Variants in COL25A1 observed in about 807,000 individuals in gnomAD.
COL25A1 encodes the protein collagen type XXV alpha 1 chain, also known as collagen alpha-1(XXV) chain.
COL25A1 carries 103 observed loss-of-function variants against 128.4 expected under a neutral mutation model. That is an observed-to-expected ratio of 0.80 (90% CI 0.68 to 0.94). The LOEUF (loss-of-function observed/expected upper bound fraction) is 0.94. Among genes scored for constraint, COL25A1 ranks in the 40% least tolerant of loss-of-function variants. The probability of loss-of-function intolerance (pLI) is 0.00; values close to 1 mark genes in which losing one functional copy is unlikely to be tolerated. For missense variants in COL25A1, 745 were observed against 840.0 expected (o/e 0.89, Z 1.40); for synonymous variants, 279 against 277.2 (o/e 1.01, Z -0.06).
intron 15 of COL25A1, 58 bp from the exon 16 acceptor site, chr4:108,896,769 AT>A (rs1250249899): frequency 4.2e-6 from 6 of 1,422,694 alleles, no homozygotes; most frequent in Non-Finnish European, 6.0e-6. Flanking sequence ...AGCAGATAAT[AT>A]TTTTCATTAT....
chr4:109,028,851 A>G (rs1472436925), intron 5 of COL25A1, among the ~76,000 whole-genome samples: 1 of 152,232 alleles, frequency 6.6e-6, no homozygotes, highest in Non-Finnish European at 1.5e-5. Flanking sequence ...AAACAGAGAA[A>G]GTGTTTCAAG....
intron 3 of COL25A1, among the ~76,000 whole-genome samples, chr4:109,209,449 G>T (rs1777315751): frequency 6.6e-6 from 1 of 151,934 alleles, no homozygotes. Context: ...AAAAATACAG[G>T]CAACATTAAA....
At chr4:108,983,162 G>A (rs1026981740) in intron 6 of COL25A1, among the ~76,000 whole-genome samples, 9 of 151,516 alleles carry the variant, frequency 5.9e-5, no homozygotes, top group Non-Finnish European at 8.9e-5. Context: ...TTAAGAAATT[G>A]CTAAAACTTC....
chr4:109,166,081 G>T (rs1261302152), intron 3 of COL25A1, among the ~76,000 whole-genome samples: 1 of 152,056 alleles, frequency 6.6e-6, no homozygotes, highest in Admixed American at 6.6e-5. Context: ...CTACTTAAAA[G>T]TCATACACAT....
intron 3 of COL25A1, among the ~76,000 whole-genome samples, chr4:109,294,661 A>G (rs1277887460): frequency 6.6e-6 from 1 of 152,104 alleles, no homozygotes; most frequent in Non-Finnish European, 1.5e-5. Flanking sequence ...GCCCGGATTG[A>G]CTCATACATT....
intron 19 of COL25A1, among the ~76,000 whole-genome samples, chr4:108,877,361 G>A (rs1165864049): frequency 1.3e-5 from 2 of 152,078 alleles, no homozygotes; most frequent in African/African-American, 4.8e-5. Flanking sequence ...TCCTGTTTCT[G>A]CATGAAACAA....
At chr4:108,827,826 T>C (rs1427123446) in intron 32 of COL25A1, among the ~76,000 whole-genome samples, 1 of 152,076 alleles carries the variant, frequency 6.6e-6, no homozygotes, top group Non-Finnish European at 1.5e-5. Flanking sequence ...TGGCCTGAAA[T>C]ACCTTTCCTT....
chr4:109,169,337 G>T (rs990831495), intron 3 of COL25A1, among the ~76,000 whole-genome samples: 1 of 152,142 alleles, frequency 6.6e-6, no homozygotes, highest in Non-Finnish European at 1.5e-5. Flanking sequence ...GATTAACAAA[G>T]TTGTCATGGT....
intron 19 of COL25A1, among the ~76,000 whole-genome samples, chr4:108,873,590 A>G (rs1739067289): frequency 6.6e-6 from 1 of 151,818 alleles, no homozygotes; most frequent in Non-Finnish European, 1.5e-5. Flanking sequence ...CAGTAGTAGT[A>G]GTAGTAGTGT....
intron 8 of COL25A1, among the ~76,000 whole-genome samples, chr4:108,963,045 G>A (rs2125972601): frequency 6.6e-6 from 1 of 152,268 alleles, no homozygotes; most frequent in African/African-American, 2.4e-5. Context: ...GCTGCTGTCT[G>A]GCATTAAATG....
chr4:108,954,879 C>A (rs895138372), intron 8 of COL25A1, among the ~76,000 whole-genome samples: 7 of 151,748 alleles, frequency 4.6e-5, no homozygotes, highest in Admixed American at 4.6e-4. Flanking sequence ...AAAAAACTTT[C>A]TCTGATATCT....
chr4:109,055,374 AC>A (rs1186766024), intron 3 of COL25A1, among the ~76,000 whole-genome samples: 1 of 152,206 alleles, frequency 6.6e-6, no homozygotes, highest in African/African-American at 2.4e-5. Context: ...AACCTCCATG[AC>A]TAAAACAAGT....
intron 6 of COL25A1, among the ~76,000 whole-genome samples, chr4:109,006,378 A>ATTTTTTTTT (rs56845799): frequency 0.01 from 532 of 51,854 alleles, 14 homozygotes; most frequent in African/African-American, 0.016. Flanking sequence ...CACCCAGCTA[A>ATTTTTTTTT]TTTTTTTTTT....
At chr4:109,144,179 T>C (rs1045555241) in intron 3 of COL25A1, among the ~76,000 whole-genome samples, 2 of 152,206 alleles carry the variant, frequency 1.3e-5, no homozygotes, top group Non-Finnish European at 2.9e-5. Flanking sequence ...TGGAGTTTGC[T>C]AGAGGTCCAT....
At chr4:109,149,942 A>G (rs1458246229) in intron 3 of COL25A1, among the ~76,000 whole-genome samples, 5 of 148,676 alleles carry the variant, frequency 3.4e-5, no homozygotes, top group South Asian at 2.1e-4. Flanking sequence ...ATGTGTATGT[A>G]TGTGTGTGTG....
At chr4:109,017,944 G>A (rs1361691932) in intron 5 of COL25A1, among the ~76,000 whole-genome samples, 1 of 151,908 alleles carries the variant, frequency 6.6e-6, no homozygotes, top group Non-Finnish European at 1.5e-5. Flanking sequence ...CTCTTGAATT[G>A]TTGGATTCCT....
chr4:109,013,679 C>T (rs998151317), intron 5 of COL25A1, among the ~76,000 whole-genome samples: 11 of 152,008 alleles, frequency 7.2e-5, no homozygotes, highest in African/African-American at 1.9e-4. Flanking sequence ...ACTCCAGACG[C>T]GCCACCTTAA....
intron 3 of COL25A1, among the ~76,000 whole-genome samples, chr4:109,178,707 C>A (rs1039310252): frequency 2.0e-5 from 3 of 151,602 alleles, no homozygotes; most frequent in Non-Finnish European, 4.4e-5. Flanking sequence ...TGGTGGCGGG[C>A]GCCTGTAGGC....
intron 3 of COL25A1, among the ~76,000 whole-genome samples, chr4:109,084,652 C>T (rs1055093383): frequency 1.3e-5 from 2 of 152,178 alleles, no homozygotes; most frequent in Non-Finnish European, 2.9e-5. Flanking sequence ...ATAGCAAGAA[C>T]CACACATCAG....
Sources: allele counts gnomAD v4.1 joint callset (sites outside exome capture counted in the v4.1 genomes callset), GRCh38; gene constraint gnomAD v4.1.1; transcripts MANE v1.5; gene names NCBI Gene and HGNC (gene_info 2026-07-23, HGNC 2026-07-21).